The following CAMK1D variants were observed in gnomAD, a reference collection of about 807,000 sequenced individuals.
CAMK1D encodes the protein calcium/calmodulin dependent protein kinase ID, also known as calcium/calmodulin-dependent protein kinase type 1D.
CAMK1D carries 9 observed loss-of-function variants against 47.7 expected under a neutral mutation model. The ratio of observed to expected loss-of-function variants is 0.19; its 90% CI spans 0.11 to 0.33. The LOEUF (loss-of-function observed/expected upper bound fraction) is 0.33, where lower values mean the gene tolerates loss of function less well. Ranked by LOEUF, CAMK1D falls within the 10% of genes least tolerant of loss-of-function variation. The pLI, the probability that CAMK1D is intolerant of heterozygous loss-of-function variation, is 1.00. For missense variants in CAMK1D, 291 were observed against 488.7 expected (o/e 0.60, Z 3.81); for synonymous variants, 184 against 184.9 (o/e 0.99, Z 0.04).
At chr10:12,649,142 C>A (rs1270414440) in intron 2 of CAMK1D, among the ~76,000 whole-genome samples, 2 of 152,190 alleles carry the variant, frequency 1.3e-5, no homozygotes, top group African/African-American at 4.8e-5. Context: ...GCTGGGATGA[C>A]AGGCACGTGC....
intron 2 of CAMK1D, among the ~76,000 whole-genome samples, chr10:12,588,898 GTGTGTGTA>G (rs1370921928): frequency 1.3e-3 from 200 of 149,640 alleles, no homozygotes; most frequent in African/African-American, 4.8e-3. Context: ...GCGTGTGTGT[GTGTGTGTA>G]TATATAACAT....
intron 1 of CAMK1D, among the ~76,000 whole-genome samples, chr10:12,548,153 C>G (rs1385701096): frequency 6.6e-6 from 1 of 152,182 alleles, no homozygotes; most frequent in Non-Finnish European, 1.5e-5. Flanking sequence ...GTATCCTCAT[C>G]TCTAAAATGG....
In CAMK1D at chr10:12,766,964, C is replaced by T. The variant is rs566177832; in HGVS notation, c.439-2709C>T. On this transcript the variant is annotated intron_variant, in intron 4 of 10. Transcript: ENST00000619168. The stretch of plus-strand genomic sequence containing the variant: ...GTGAGTTCTGAAAATTTCTTCACTG[C>T]GATGTTGACACATCAGAATGCTGCT... Among the ~76,000 whole-genome samples, 11 of 152,220 alleles carry T rather than the reference C, an allele frequency of 7.2e-5. 1 individual carries two copies. In the South Asian group the frequency reaches 1.0e-3, roughly 14 times the overall value.
chr10:12,680,162 T>C (rs780032413), intron 3 of CAMK1D, among the ~76,000 whole-genome samples: 6 of 152,182 alleles, frequency 3.9e-5, no homozygotes, highest in Non-Finnish European at 7.3e-5. Flanking sequence ...GTGTTCCCGT[T>C]TGGAAGATTT....
chr10:12,631,369 G>T (rs536754432), intron 2 of CAMK1D, among the ~76,000 whole-genome samples: 1 of 152,158 alleles, frequency 6.6e-6, no homozygotes, highest in Non-Finnish European at 1.5e-5. Flanking sequence ...GACAAGCTCC[G>T]CCCATAGTGC....
intron 1 of CAMK1D, among the ~76,000 whole-genome samples, chr10:12,407,363 C>G (rs1839474992): frequency 6.6e-6 from 1 of 152,250 alleles, no homozygotes; most frequent in Admixed American, 6.5e-5. Context: ...ACCAGCCTTC[C>G]TTTTCACATT....
chr10:12,719,273 G>T (rs894734522), intron 3 of CAMK1D, among the ~76,000 whole-genome samples: 2 of 151,788 alleles, frequency 1.3e-5, no homozygotes, highest in Non-Finnish European at 2.9e-5. Flanking sequence ...CAGGCGTGAT[G>T]GTGCATGCCT....
intron 1 of CAMK1D, among the ~76,000 whole-genome samples, chr10:12,440,673 A>G (rs1260278278): frequency 6.6e-6 from 1 of 152,214 alleles, no homozygotes; most frequent in Non-Finnish European, 1.5e-5. Flanking sequence ...TTGTGGATAA[A>G]TTATACCTCA....
At chr10:12,703,536 C>T (rs1417617677) in intron 3 of CAMK1D, among the ~76,000 whole-genome samples, 1 of 152,164 alleles carries the variant, frequency 6.6e-6, no homozygotes, top group African/African-American at 2.4e-5. Context: ...TGTCAAACAG[C>T]AGCAGCACCT....
chr10:12,648,546 C>T (rs1301317291), intron 2 of CAMK1D, among the ~76,000 whole-genome samples: 1 of 152,220 alleles, frequency 6.6e-6, no homozygotes, highest in Non-Finnish European at 1.5e-5. Context: ...TCTTGACTCA[C>T]TGCAACCTCC....
At chr10:12,569,427 G>A (rs1236051464) in intron 2 of CAMK1D, among the ~76,000 whole-genome samples, 1 of 151,952 alleles carries the variant, frequency 6.6e-6, no homozygotes, top group African/African-American at 2.4e-5. Context: ...AAATTGTGTG[G>A]TGCTGGGGTG....
intron 1 of CAMK1D, among the ~76,000 whole-genome samples, chr10:12,486,101 T>G (rs78482384): frequency 6.6e-6 from 1 of 152,090 alleles, no homozygotes; most frequent in Non-Finnish European, 1.5e-5. Flanking sequence ...GAAGCACCCA[T>G]GCAGTGCACA....
intron 2 of CAMK1D, among the ~76,000 whole-genome samples, chr10:12,593,682 A>G (rs879776461): frequency 6.6e-6 from 1 of 151,886 alleles, no homozygotes; most frequent in Non-Finnish European, 1.5e-5. Flanking sequence ...AGCTATTGGA[A>G]TTTTTTTTTA....
chr10:12,461,136 T>C (rs1160813884), intron 1 of CAMK1D, among the ~76,000 whole-genome samples: 1 of 152,180 alleles, frequency 6.6e-6, no homozygotes, highest in Non-Finnish European at 1.5e-5. Flanking sequence ...ATCGTCCTCA[T>C]CCACCATTGC....
chr10:12,443,840 G>C, intron 1 of CAMK1D, among the ~76,000 whole-genome samples: 1 of 152,128 alleles, frequency 6.6e-6, no homozygotes, highest in East Asian at 1.9e-4. Context: ...ATGTTGGCCA[G>C]GATGGTCTCG....
At chr10:12,729,276 T>C (rs1346604755) in intron 3 of CAMK1D, among the ~76,000 whole-genome samples, 2 of 152,178 alleles carry the variant, frequency 1.3e-5, no homozygotes, top group African/African-American at 4.8e-5. Flanking sequence ...GGAGAGGTAG[T>C]ACCAATAAAC....
At chr10:12,778,024 A>G (rs1265654215) in intron 5 of CAMK1D, among the ~76,000 whole-genome samples, 3 of 152,318 alleles carry the variant, frequency 2.0e-5, no homozygotes, top group African/African-American at 4.8e-5. Flanking sequence ...CCAGCCTAGC[A>G]TGGTGTCTTT....
intron 7 of CAMK1D, among the ~76,000 whole-genome samples, chr10:12,814,906 C>A (rs1183255063): frequency 6.6e-6 from 1 of 152,208 alleles, no homozygotes; most frequent in East Asian, 1.9e-4. Context: ...GGGACCCACT[C>A]ATCCACCTCT....
At chr10:12,652,510 C>A (rs1323431394) in intron 2 of CAMK1D, among the ~76,000 whole-genome samples, 1 of 151,798 alleles carries the variant, frequency 6.6e-6, no homozygotes, top group African/African-American at 2.4e-5. Context: ...ATGGTGTGAC[C>A]CCACGAGGCG....
Sources: allele counts gnomAD v4.1 joint callset (sites outside exome capture counted in the v4.1 genomes callset), GRCh38; gene constraint gnomAD v4.1.1; transcripts MANE v1.5; gene names NCBI Gene and HGNC (gene_info 2026-07-23, HGNC 2026-07-21).